Variants in CEP135 observed in about 807,000 individuals in gnomAD.
CEP135 encodes centrosomal protein of 135 kDa.
CEP135 carries 142 observed loss-of-function variants against 157.3 expected under a neutral mutation model. That is an observed-to-expected ratio of 0.90 (90% CI 0.79 to 1.04). The LOEUF is 1.04. CEP135 is among the 50% of genes least tolerant of loss of function. The pLI is 0.00. For missense variants in CEP135, 1,317 were observed against 1,309.2 expected (o/e 1.01, Z -0.09); for synonymous variants, 396 against 439.8 (o/e 0.90, Z 1.25).
At chr4:55,950,641 A>T (rs180873412) in intron 1 of CEP135, among the ~76,000 whole-genome samples, 7 of 141,500 alleles carry the variant, frequency 4.9e-5, no homozygotes, top group East Asian at 2.0e-4. Flanking sequence ...CAATTAAAAT[A>T]AAAAAAAAAA....
chr4:56,019,893 T>A (rs1730916504), intron 23 of CEP135, among the ~76,000 whole-genome samples: 1 of 152,108 alleles, frequency 6.6e-6, no homozygotes, highest in Non-Finnish European at 1.5e-5. Flanking sequence ...GAGCCGAGAT[T>A]GCACCACTGC....
chr4:55,971,951 G>C (rs1301174952), intron 10 of CEP135, among the ~76,000 whole-genome samples: 1 of 152,090 alleles, frequency 6.6e-6, no homozygotes, highest in African/African-American at 2.4e-5. Context: ...GGGAGTTCAA[G>C]ATCAGCCTGG....
chr4:55,951,960 CAGA>C, intron 1 of CEP135, 123 bp from the exon 2 acceptor site: 1 of 449,332 alleles, frequency 2.2e-6, no homozygotes, highest in Non-Finnish European at 4.1e-6. Flanking sequence ...CTGAATTTTC[CAGA>C]AGGCTACCTA....
In CEP135 at chr4:55,971,428, T is replaced by C; in HGVS notation, c.1249+20T>C. The C allele has an allele frequency of 6.3e-7, 1 of 1,583,158 alleles. No homozygotes were observed. The highest frequency in any genetic ancestry group is 8.5e-7 in the Non-Finnish European group (1 of 1,169,704). On this transcript the variant is annotated intron_variant, in intron 10 of 25. Coordinates refer to ENST00000257287, the MANE Select transcript of CEP135 (RefSeq NM_025009.5). ...TTACAGGTAAGATGTCAAATTTTGA[T>C]AGCTAAAGAATGATTGTGATTTCCT...
At chr4:55,999,895 T>C (rs1730105407) in intron 17 of CEP135, among the ~76,000 whole-genome samples, 1 of 152,090 alleles carries the variant, frequency 6.6e-6, no homozygotes, top group Non-Finnish European at 1.5e-5. Context: ...TTTTAAAAGG[T>C]TTATTTACTT....
intron 14 of CEP135, among the ~76,000 whole-genome samples, chr4:55,990,603 C>T (rs1440318045): frequency 6.6e-6 from 1 of 152,040 alleles, no homozygotes; most frequent in African/African-American, 2.4e-5. Context: ...TCAAGCAATC[C>T]TCCCACCTCT....
chr4:56,009,246 C>T (rs1730479399), intron 18 of CEP135, among the ~76,000 whole-genome samples: 1 of 152,282 alleles, frequency 6.6e-6, no homozygotes, highest in East Asian at 1.9e-4. Context: ...ATTGCAAGCT[C>T]TGCCTCCCGG....
intron 13 of CEP135, 83 bp from the exon 14 acceptor site, chr4:55,985,198 A>G: frequency 1.5e-6 from 1 of 657,658 alleles, no homozygotes; most frequent in Middle Eastern, 3.2e-4. Flanking sequence ...ATATAATAGA[A>G]CTGTAGACTT....
At chr4:55,961,101 CAAAA>C (rs59483327) in intron 6 of CEP135, among the ~76,000 whole-genome samples, 2 of 69,996 alleles carry the variant, frequency 2.9e-5, no homozygotes, top group Non-Finnish European at 3.1e-5. Flanking sequence ...GACTCTGTCT[CAAAA>C]AAAAAAAAAA....
intron 13 of CEP135, among the ~76,000 whole-genome samples, chr4:55,983,576 G>A (rs2109688454): frequency 6.6e-6 from 1 of 151,354 alleles, no homozygotes; most frequent in African/African-American, 2.4e-5. Flanking sequence ...GAGAGGCTCT[G>A]TTCTATTAAG....
At chr4:56,003,288 T>TGCCGCCTCCCGGGTTCAC (rs1467310856) in intron 17 of CEP135, among the ~76,000 whole-genome samples, 1 of 151,866 alleles carries the variant, frequency 6.6e-6, no homozygotes. Context: ...CCCGGGTTCA[T>TGCCGCCTCCCGGGTTCAC]GCCGCCTCCC....
chr4:55,953,411 G>A (rs1728418970), intron 3 of CEP135, 136 bp downstream of exon 3: 1 of 590,758 alleles, frequency 1.7e-6, no homozygotes, highest in East Asian at 3.5e-5. Context: ...TGTGCCTATA[G>A]TCCCAGCTAC....
chr4:55,981,393 CA>C lies in CEP135; in HGVS notation c.1779+15del. 1 of 1,557,808 alleles carries C rather than the reference CA, an allele frequency of 6.4e-7. No homozygotes were observed. Among genetic ancestry groups the C allele is most frequent in the East Asian group, 2.3e-5 (1 of 42,906 alleles). ...GAAAAATTAGAGGTAAGAAGATTGA[CA>C]TGTTTTTGAAAGGTAATTTGTTGAG... On this transcript the variant is annotated intron_variant, in intron 13 of 25. Transcript: ENST00000257287.
At position 56,011,422 on chromosome 4, in the gene CEP135, T is replaced by C; in HGVS notation, c.2516T>C (p.Leu839Ser). ...TMARENQEISLELEAAVQEKE... is the reference protein window; with the variant it reads ...TMARENQEISSELEAAVQEKE... Reference sequence around the variant, plus strand: ...TTTTCTGATTTGTAGGAAATCTCATTGGAATTGGAAGCAGCAGTGCAAGAA... The same window carrying C: ...TTTTCTGATTTGTAGGAAATCTCATCGGAATTGGAAGCAGCAGTGCAAGAA... The change falls in exon 20 of 26, where the codon TTG (leucine) becomes TCG (serine). Residue 839 changes from leucine (L) to serine (S), a missense_variant. Physicochemically the swap from Leu to Ser is moderately radical, Grantham distance 145 (BLOSUM62 -2). Transcript: ENST00000257287. 1 of 1,604,734 alleles carries C rather than the reference T, an allele frequency of 6.2e-7. No individual in the cohort carries two copies. The highest frequency in any genetic ancestry group is 8.5e-7 in the Non-Finnish European group (1 of 1,176,338).
intron 25 of CEP135, among the ~76,000 whole-genome samples, chr4:56,028,566 AT>A (rs994092649): frequency 4.6e-4 from 70 of 152,136 alleles, no homozygotes; most frequent in African/African-American, 1.6e-3. Flanking sequence ...ACCAAAACTA[AT>A]TTTAAGGGAT....
At position 56,017,713 on chromosome 4, in the gene CEP135, A is replaced by C. The variant is rs145452892; in HGVS notation, c.2868A>C (p.Leu956Phe). The C allele has an allele frequency of 1.9e-6, 3 of 1,613,916 alleles. No homozygotes were observed. The African/African-American group carries it at 4.0e-5, about 21-fold the overall frequency. ...ISSMAKAMSR[L>F]EEELRHQEDE... is the part of the protein sequence containing the mutation. ...CAATGGCAAAAGCCATGTCTCGATTAGAAGAAGAGCTGAGACATCAAGAAG... is the reference window on the plus strand; with the variant it reads ...CAATGGCAAAAGCCATGTCTCGATTCGAAGAAGAGCTGAGACATCAAGAAG... The change falls in exon 22 of 26, where the codon TTA becomes TTC. Residue 956 changes from leucine (L) to phenylalanine (F), a missense_variant. Coordinates refer to ENST00000257287, the MANE Select transcript of CEP135 (RefSeq NM_025009.5).
chr4:55,953,678 A>G (rs1728429127), intron 3 of CEP135, among the ~76,000 whole-genome samples: 1 of 152,220 alleles, frequency 6.6e-6, no homozygotes, highest in African/African-American at 2.4e-5. Flanking sequence ...TTTAGAATTA[A>G]AATTGCCATA....
At chr4:55,956,533 C>A (rs770774944) in intron 4 of CEP135, among the ~76,000 whole-genome samples, 1 of 152,048 alleles carries the variant, frequency 6.6e-6, no homozygotes, top group African/African-American at 2.4e-5. Flanking sequence ...CTAATAACCA[C>A]GCATATTTTA....
At chr4:55,999,466 A>G (rs1464375478) in intron 16 of CEP135, 25 bp from the exon 17 acceptor site, 1 of 1,612,352 alleles carries the variant, frequency 6.2e-7, no homozygotes, top group Non-Finnish European at 8.5e-7. Flanking sequence ...TACTTTGTCT[A>G]ACAAACATTT....
Sources: gnomAD v4.1 joint callset for allele counts (sites outside exome capture counted in the v4.1 genomes callset) on GRCh38, gnomAD v4.1.1 for gene constraint, MANE v1.5 for transcripts, NCBI Gene and HGNC (gene_info 2026-07-23, HGNC 2026-07-21) for gene names.